Variants in DDHD1 observed in about 807,000 individuals in gnomAD.
The protein encoded by DDHD1 is DDHD domain containing 1.
DDHD1 carries 49 observed loss-of-function variants against 96.4 expected under a neutral mutation model. The ratio of observed to expected loss-of-function variants is 0.51; its 90% CI spans 0.40 to 0.64. The LOEUF is 0.64. Ranked by LOEUF, DDHD1 falls within the 30% of genes least tolerant of loss-of-function variation. The pLI, the probability that DDHD1 is intolerant of heterozygous loss-of-function variation, is 0.00. For missense variants in DDHD1, 1,106 were observed against 1,161.2 expected (o/e 0.95, Z 0.69); for synonymous variants, 442 against 446.5 (o/e 0.99, Z 0.13).
chr14:53,117,227 C>T (rs912399227), intron 1 of DDHD1, among the ~76,000 whole-genome samples: 4 of 152,158 alleles, frequency 2.6e-5, no homozygotes, highest in Non-Finnish European at 4.4e-5. Context: ...CCAGTGAGAT[C>T]GACACAGAAG....
Position 53,039,198 on chromosome 14 carries a change from T to A in DDHD1, c.*7570A>T, listed in dbSNP as rs1566499548. 1 of 152,198 alleles carries A rather than the reference T, an allele frequency of 6.6e-6. No individual in the cohort carries two copies. Among genetic ancestry groups the A allele is most frequent in the African/African-American group, 2.4e-5 (1 of 41,450 alleles). 9.4% of individuals were successfully genotyped at this position (152,198 alleles called of 1,614,324 possible). On this transcript the variant is annotated 3_prime_UTR_variant, in exon 13 of 13. Coordinates refer to ENST00000673822, the MANE Select transcript of DDHD1 (RefSeq NM_001160148.2). The stretch of plus-strand genomic sequence containing the variant: ...GGCTCATTTCTTGTGTATGCTTCCT[T>A]TTCATGGCAGATGCACATAATCCAT...
At chr14:53,097,096 G>A (rs1017984914) in intron 2 of DDHD1, among the ~76,000 whole-genome samples, 6 of 151,900 alleles carry the variant, frequency 3.9e-5, no homozygotes, top group Admixed American at 3.9e-4. Flanking sequence ...TTTCTCACCA[G>A]TTAATAAATT....
intron 1 of DDHD1, among the ~76,000 whole-genome samples, chr14:53,117,083 C>T (rs1393124702): frequency 6.6e-6 from 1 of 152,072 alleles, no homozygotes; most frequent in African/African-American, 2.4e-5. Context: ...GGGATATCAC[C>T]ACTAATCCCA....
intron 1 of DDHD1, among the ~76,000 whole-genome samples, chr14:53,108,747 T>C (rs1887888374): frequency 6.6e-6 from 1 of 152,240 alleles, no homozygotes; most frequent in South Asian, 2.1e-4. Flanking sequence ...CTGTGTTCAA[T>C]CAAATTTTGT....
rs1428279531 is a variant in DDHD1 at position 53,080,819 on chromosome 14, A to C, written c.1290-6972T>G. Among the ~76,000 whole-genome samples, 3 of 150,588 alleles carry C rather than the reference A, an allele frequency of 2.0e-5. No individual in the cohort carries two copies. The East Asian group carries it at 5.9e-4, about 29-fold the overall frequency. On this transcript the variant is annotated intron_variant, in intron 4 of 12. Transcript: ENST00000673822. ...TGGTTATAGGGCACTACAGCCTCAA[A>C]CTCCTGGGCTCAAGCGATTCTCCTG...
intron 4 of DDHD1, among the ~76,000 whole-genome samples, chr14:53,091,234 C>T (rs926822657): frequency 6.6e-6 from 1 of 152,140 alleles, no homozygotes; most frequent in Middle Eastern, 3.2e-3. Context: ...ATCACATATA[C>T]CCCTAAGACA....
intron 1 of DDHD1, among the ~76,000 whole-genome samples, chr14:53,148,705 C>A (rs1891161109): frequency 6.6e-6 from 1 of 152,212 alleles, no homozygotes; most frequent in Non-Finnish European, 1.5e-5. Context: ...TGGCCACTTT[C>A]TTGCCAATGT....
At chr14:53,132,744 A>C (rs1405130086) in intron 1 of DDHD1, among the ~76,000 whole-genome samples, 1 of 152,176 alleles carries the variant, frequency 6.6e-6, no homozygotes, top group Non-Finnish European at 1.5e-5. Flanking sequence ...TTTACTTCCA[A>C]AGGCCACTTT....
chr14:53,076,043 C>T (rs565799095), intron 4 of DDHD1, among the ~76,000 whole-genome samples: 1 of 152,286 alleles, frequency 6.6e-6, no homozygotes, highest in South Asian at 2.1e-4. Flanking sequence ...GTTTTCATGC[C>T]TGCTAACACA....
intron 1 of DDHD1, among the ~76,000 whole-genome samples, chr14:53,131,848 C>T (rs970331139): frequency 1.3e-5 from 2 of 152,168 alleles, no homozygotes; most frequent in African/African-American, 4.8e-5. Context: ...GCACATCCCC[C>T]TCCAAAGCTC....
In DDHD1 at chr14:53,055,905, C is replaced by A. The variant is rs1158346659; in HGVS notation, c.2000G>T (p.Arg667Ile). 6.2e-7 allele frequency: 1 copy of A among 1,604,586 alleles called. No individual in the cohort carries two copies. The highest frequency in any genetic ancestry group is 2.2e-5 in the East Asian group (1 of 44,814). The change falls in exon 10 of 13, where the codon AGA (arginine) becomes ATA (isoleucine). Residue 667 changes from arginine (R) to isoleucine (I), a missense_variant. By Grantham distance (97) the Arg-to-Ile change is moderately conservative (BLOSUM62 -3). This residue lies in a region of DDHD1 where 650 missense variants were observed against 758.8 expected (regional missense o/e 0.86). Coordinates refer to ENST00000673822, the MANE Select transcript of DDHD1 (RefSeq NM_001160148.2). ...IFHPTDPVAY[R>I]LEPLILKHYS... ...GTGTTTCAGTATTAATGGTTCTAAT[C>A]TATAAGCCTTGATTTAAAAAAAAAA...
chr14:53,135,914 C>G (rs2139859338), intron 1 of DDHD1, among the ~76,000 whole-genome samples: 1 of 152,282 alleles, frequency 6.6e-6, no homozygotes, highest in East Asian at 1.9e-4. Context: ...GCCTCTGAGC[C>G]CAAGCTAAGC....
At chr14:53,119,922 C>T (rs773145068) in intron 1 of DDHD1, among the ~76,000 whole-genome samples, 14 of 152,180 alleles carry the variant, frequency 9.2e-5, no homozygotes, top group Non-Finnish European at 1.6e-4. Context: ...CTCACTACTC[C>T]TATTCAACAG....
At chr14:53,144,548 A>G (rs1389095879) in intron 1 of DDHD1, among the ~76,000 whole-genome samples, 1 of 152,354 alleles carries the variant, frequency 6.6e-6, no homozygotes, top group East Asian at 1.9e-4. Flanking sequence ...GATTTACAGC[A>G]AAGACTTTGT....
chr14:53,133,538 T>A (rs569073721), intron 1 of DDHD1, among the ~76,000 whole-genome samples: 11 of 152,298 alleles, frequency 7.2e-5, no homozygotes, highest in African/African-American at 2.6e-4. Context: ...GAACTAATGG[T>A]CTTTTAAAGA....
chr14:53,103,210 G>A, intron 2 of DDHD1: 1 of 568,458 alleles, frequency 1.8e-6, no homozygotes, highest in Non-Finnish European at 2.9e-6. Context: ...GAAATGTAAT[G>A]AGTAGATTGT....
At chr14:53,061,877 T>C (rs1188380225) in intron 7 of DDHD1, among the ~76,000 whole-genome samples, 1 of 151,740 alleles carries the variant, frequency 6.6e-6, no homozygotes, top group Non-Finnish European at 1.5e-5. Flanking sequence ...CTACTAAAAA[T>C]ACAAAAATGA....
intron 1 of DDHD1, among the ~76,000 whole-genome samples, chr14:53,150,329 T>C (rs549678347): frequency 6.6e-6 from 1 of 152,342 alleles, no homozygotes; most frequent in African/African-American, 2.4e-5. Context: ...CAGAAGCTCT[T>C]TGCATACTGC....
chr14:53,099,152 T>G (rs1887113605), intron 2 of DDHD1, among the ~76,000 whole-genome samples: 1 of 152,134 alleles, frequency 6.6e-6, no homozygotes, highest in African/African-American at 2.4e-5. Context: ...CTTTGTATTT[T>G]GGAATAATTT....
Sources: allele counts gnomAD v4.1 joint callset (sites outside exome capture counted in the v4.1 genomes callset), GRCh38; gene constraint gnomAD v4.1.1; regional missense constraint gnomAD v4.1.1; transcripts MANE v1.5; gene names NCBI Gene and HGNC (gene_info 2026-07-23, HGNC 2026-07-21).